Variants in PAX5 observed in about 807,000 individuals in gnomAD.
PAX5 encodes the protein paired box protein Pax-5.
Under a neutral mutation model 43.7 loss-of-function variants are expected in PAX5, and 9 were observed. That is an observed-to-expected ratio of 0.21 (90% CI 0.12 to 0.36). PAX5 has a LOEUF of 0.36. PAX5 is among the 10% of genes least tolerant of loss of function. The pLI, the probability that PAX5 is intolerant of heterozygous loss-of-function variation, is 1.00. For synonymous variants in PAX5, 228 were observed against 214.3 expected (o/e 1.06, Z -0.56); for missense variants, 383 against 532.7 (o/e 0.72, Z 2.77).
At chr9:36,863,886 G>A (rs374787477) in intron 8 of PAX5, among the ~76,000 whole-genome samples, 173 of 152,326 alleles carry the variant, frequency 1.1e-3, no homozygotes, top group African/African-American at 3.1e-3. Flanking sequence ...TAAGGTGGGC[G>A]GATCAGGAGG....
Position 36,979,269 on chromosome 9 carries a change from T to C in PAX5, c.605-12545A>G, listed in dbSNP as rs11998761. ...CTTTTGTGTATGTCTGTGGTGTGTT[T>C]TTCCACCAAACACACACACAGGAAT... is the stretch of plus-strand genomic sequence containing the variant. On this transcript the variant is annotated intron_variant, in intron 5 of 9. Coordinates refer to ENST00000358127, the MANE Select transcript of PAX5 (RefSeq NM_016734.3). Among the ~76,000 whole-genome samples, 155 of 152,346 alleles carry C rather than the reference T, an allele frequency of 1.0e-3. 1 individual carries two copies. Among genetic ancestry groups the C allele is most frequent in the African/African-American group, 3.3e-3 (139 of 41,580 alleles).
intron 3 of PAX5, among the ~76,000 whole-genome samples, chr9:37,011,247 G>T (rs1030392854): frequency 1.3e-5 from 2 of 152,082 alleles, no homozygotes; most frequent in African/African-American, 4.8e-5. Context: ...CCTCCAGCCC[G>T]GGACAAGTTT....
intron 5 of PAX5, among the ~76,000 whole-genome samples, chr9:37,001,632 G>A (rs1472968693): frequency 6.6e-6 from 1 of 152,158 alleles, no homozygotes; most frequent in Non-Finnish European, 1.5e-5. Flanking sequence ...CAGACCACAG[G>A]CCAATCCACG....
chr9:36,910,300 A>G (rs1389418766), intron 7 of PAX5, among the ~76,000 whole-genome samples: 5 of 152,216 alleles, frequency 3.3e-5, no homozygotes, highest in Non-Finnish European at 2.9e-5. Flanking sequence ...CAAAGGCAGC[A>G]TGCTGTATAC....
chr9:36,930,572 G>C (rs1285340805), intron 6 of PAX5, among the ~76,000 whole-genome samples: 1 of 152,064 alleles, frequency 6.6e-6, no homozygotes, highest in Admixed American at 6.5e-5. Flanking sequence ...TGACCCAGTG[G>C]GGGAAAAAAG....
rs986071130 is a variant in PAX5 at position 37,003,069 on chromosome 9, T to C, written c.476-293A>G. On this transcript the variant is annotated intron_variant, in intron 4 of 9. Transcript: ENST00000358127. ...ACACGGGGACAGGAAGGGCTTTCGCTTAAATTCCAGCCTATCCATGGATGC... is the reference window on the plus strand; with the variant it reads ...ACACGGGGACAGGAAGGGCTTTCGCCTAAATTCCAGCCTATCCATGGATGC... 8.0e-5 allele frequency among the ~76,000 whole-genome samples: 12 copies of C among 149,826 alleles called. 1 individual carries two copies. Among genetic ancestry groups the C allele is most frequent in the African/African-American group, 3.0e-4 (12 of 40,470 alleles).
chr9:36,877,059 G>A (rs368755933), intron 8 of PAX5, among the ~76,000 whole-genome samples: 24 of 152,316 alleles, frequency 1.6e-4, no homozygotes, highest in Admixed American at 4.6e-4. Flanking sequence ...AGTGGTGGCC[G>A]GGCACAGTGG....
At chr9:37,001,987 A>G (rs966926641) in intron 5 of PAX5, among the ~76,000 whole-genome samples, 1 of 152,074 alleles carries the variant, frequency 6.6e-6, no homozygotes, top group Non-Finnish European at 1.5e-5. Context: ...CTGGAGACCC[A>G]GGCACCACAG....
intron 8 of PAX5, among the ~76,000 whole-genome samples, chr9:36,854,237 G>C (rs1392279763): frequency 6.6e-6 from 1 of 152,224 alleles, no homozygotes; most frequent in Non-Finnish European, 1.5e-5. Flanking sequence ...CCGGGATGTT[G>C]CGGGACCAAA....
At chr9:36,851,187 A>G (rs911668769) in intron 8 of PAX5, among the ~76,000 whole-genome samples, 2 of 152,200 alleles carry the variant, frequency 1.3e-5, no homozygotes, top group Non-Finnish European at 2.9e-5. Context: ...CTGGAAGAAC[A>G]AAACTACCTT....
chr9:37,008,659 A>T (rs1386032586), intron 3 of PAX5, among the ~76,000 whole-genome samples: 1 of 152,176 alleles, frequency 6.6e-6, no homozygotes, highest in Non-Finnish European at 1.5e-5. Context: ...CACACAGGCC[A>T]TCTGGAGCCT....
rs1476383888 is a variant in PAX5 at position 37,021,047 on chromosome 9, T to C, written c.47-246A>G. Among the ~76,000 whole-genome samples the C allele has an allele frequency of 2.0e-5, 3 of 152,330 alleles. No individual in the cohort carries two copies. In the East Asian group the frequency reaches 5.8e-4, roughly 29 times the overall value. On this transcript the variant is annotated intron_variant, in intron 1 of 9. Transcript: ENST00000358127. ...TTGACAGCAAACATCCCCATACTAT[T>C]ATTAGCATTTTCCCCGTAATTTTTC...
At chr9:36,940,005 G>A (rs533411148) in intron 6 of PAX5, among the ~76,000 whole-genome samples, 1 of 152,230 alleles carries the variant, frequency 6.6e-6, no homozygotes, top group African/African-American at 2.4e-5. Context: ...CACAGGGCTG[G>A]AAGGCTGCAA....
chr9:36,938,192 T>G (rs7042761), intron 6 of PAX5, among the ~76,000 whole-genome samples: 5,227 of 152,272 alleles, frequency 0.034, 283 homozygotes, highest in African/African-American at 0.12. Context: ...ATTACGGAAA[T>G]ATATTTGCAT....
In PAX5 at chr9:37,027,947, T is replaced by C. The variant is rs140045835; in HGVS notation, c.46+6039A>G. ...ACAAACGCGCTGGACTAAGGCCTAG[T>C]GGATCGCGGCTGTGGGGAGGGGAAA... On this transcript the variant is annotated intron_variant, in intron 1 of 9. Transcript: ENST00000358127. Among the ~76,000 whole-genome samples the C allele has an allele frequency of 5.0e-3, 756 of 152,282 alleles. 6 individuals carry two copies. The highest frequency in any genetic ancestry group is 0.017 in the African/African-American group (700 of 41,560).
rs577197449 is a variant in PAX5, at chr9:36,943,115, C to T, written c.781-19631G>A. 1.4e-4 allele frequency among the ~76,000 whole-genome samples: 22 copies of T among 152,310 alleles called. No individual in the cohort carries two copies. In the South Asian group the frequency reaches 3.5e-3, roughly 24 times the overall value. The stretch of plus-strand genomic sequence containing the variant: ...CAGCTATTCTCCATCTCAGTCCCAC[C>T]GTCCCCCATCTCCATTGCTTCACGT... On this transcript the variant is annotated intron_variant, in intron 6 of 9. Transcript: ENST00000358127.
intron 6 of PAX5, among the ~76,000 whole-genome samples, chr9:36,934,585 A>C (rs1418951837): frequency 6.6e-6 from 1 of 152,236 alleles, no homozygotes; most frequent in Non-Finnish European, 1.5e-5. Context: ...TGATGCTTGC[A>C]GAAATACTCC....
intron 9 of PAX5, among the ~76,000 whole-genome samples, chr9:36,841,247 G>A (rs999000885): frequency 5.3e-5 from 8 of 152,196 alleles, no homozygotes; most frequent in Non-Finnish European, 7.3e-5. Context: ...TACACAATGC[G>A]AACAGATGAG....
intron 6 of PAX5, among the ~76,000 whole-genome samples, chr9:36,927,858 G>A (rs12380657): frequency 0.24 from 36,118 of 152,056 alleles, 5,011 homozygotes; most frequent in Non-Finnish European, 0.33. Flanking sequence ...ACAGACACAT[G>A]CCACCACACC....
Sources: gnomAD v4.1 joint callset for allele counts (sites outside exome capture counted in the v4.1 genomes callset) on GRCh38, gnomAD v4.1.1 for gene constraint, MANE v1.5 for transcripts, NCBI Gene and HGNC (gene_info 2026-07-23, HGNC 2026-07-21) for gene names.